The following KRT73 variants were observed in gnomAD, a reference collection of about 807,000 sequenced individuals.
The protein encoded by KRT73 is keratin, type II cytoskeletal 73.
In KRT73, 44 loss-of-function variants were observed where a neutral mutation model predicts 47.2. The observed-to-expected ratio is 0.93, with a 90% CI of 0.73 to 1.20. The LOEUF is 1.20. Among genes scored for constraint, KRT73 ranks in the 50% most tolerant of loss-of-function variants. The pLI, the probability that KRT73 is intolerant of heterozygous loss-of-function variation, is 0.00. For missense variants in KRT73, 713 were observed against 704.5 expected, an observed-to-expected ratio of 1.01 and a Z score of -0.14; for synonymous variants, 285 against 291.3, an observed-to-expected ratio of 0.98 and a Z score of 0.22.
chr12:52,627,362 A>C, the KRT73 span, among the ~76,000 whole-genome samples: 1 of 152,174 alleles, frequency 6.6e-6, no homozygotes, highest in African/African-American at 2.4e-5. Context: ...ATGGTTGTTG[A>C]ATGAATGCAT....
the KRT73 span, among the ~76,000 whole-genome samples, chr12:52,625,478 G>A: frequency 3.3e-5 from 5 of 152,220 alleles, no homozygotes; most frequent in South Asian, 1.0e-3. Context: ...AGACTTAGTG[G>A]CAACACTACA....
upstream of KRT73, among the ~76,000 whole-genome samples, chr12:52,619,677 G>A (rs181393364): frequency 2.2e-4 from 34 of 152,292 alleles, no homozygotes; most frequent in Non-Finnish European, 3.4e-4. Flanking sequence ...CTAGGCTCTT[G>A]GGTCCCGAAT....
chr12:52,626,381 A>G, the KRT73 span, among the ~76,000 whole-genome samples: 1 of 152,198 alleles, frequency 6.6e-6, no homozygotes, highest in East Asian at 1.9e-4. Flanking sequence ...TAAAATCCCT[A>G]CTTTCCCTGA....
intron 4 of KRT73, 171 bp downstream of exon 4, chr12:52,614,408 G>A (rs1259337251): frequency 3.6e-6 from 2 of 561,710 alleles, no homozygotes; most frequent in Non-Finnish European, 6.2e-6. Context: ...AGTCAGGGAT[G>A]GATGGGGCAC....
rs139077607 is a variant in KRT73 at position 52,618,292 on chromosome 12, G to A, written c.233C>T (p.Ala78Val). ...AGGYGFGRGR[A>V]SGFAGSMFGS... ...AAACATGCTGCCAGCAAAGCCACTG[G>A]CCCGGCCCCGGCCAAATCCATAGCC... Residue 78 changes from alanine to valine, a missense_variant, in exon 1 of 9, where the codon GCC (alanine) becomes GTC (valine). Ala to Val is a moderately conservative substitution (Grantham distance 64, BLOSUM62 0). Coordinates refer to ENST00000305748, the MANE Select transcript of KRT73 (RefSeq NM_175068.3). 1 of 1,614,190 alleles carries A rather than the reference G, an allele frequency of 6.2e-7. No homozygotes were observed. The highest frequency in any genetic ancestry group is 1.1e-5 in the South Asian group (1 of 91,074).
chr12:52,623,795 TACTC>T, the KRT73 span, among the ~76,000 whole-genome samples: 17 of 152,014 alleles, frequency 1.1e-4, no homozygotes, highest in Admixed American at 6.5e-5. Flanking sequence ...TATAATAAAA[TACTC>T]AGCAGCACTA....
rs1283094039 is a variant in KRT73 at position 52,609,265 on chromosome 12, T to C, written c.1348A>G (p.Thr450Ala). 1.2e-6 allele frequency: 2 copies of C among 1,613,704 alleles called. No individual in the cohort carries two copies. The highest frequency in any genetic ancestry group is 8.5e-7 in the Non-Finnish European group (1 of 1,179,644). The change falls in exon 8 of 9, where the codon ACC becomes GCC. Residue 450 changes from threonine to alanine, a missense_variant. Physicochemically the swap from Thr to Ala is moderately conservative, Grantham distance 58. Transcript: ENST00000305748. ...TACTCACAAATGCTCACGGAGTTGG[T>C]ATATTCTCCGGACATCCTGCAAGAG... ...GEECRMSGEY[T>A]NSVSISVINS... is the part of the protein sequence containing the mutation.
upstream of KRT73, among the ~76,000 whole-genome samples, chr12:52,621,635 T>C (rs1043322224): frequency 6.6e-6 from 1 of 152,180 alleles, no homozygotes; most frequent in Non-Finnish European, 1.5e-5. Context: ...GCTTGATCTC[T>C]GTAGCCACAT....
the KRT73 span, among the ~76,000 whole-genome samples, chr12:52,625,724 A>C: frequency 6.6e-6 from 1 of 152,238 alleles, no homozygotes; most frequent in Admixed American, 6.5e-5. Flanking sequence ...CAAAAAATGC[A>C]AACAATCCAG....
At chr12:52,619,884 T>G (rs906216328), upstream of KRT73, among the ~76,000 whole-genome samples, 1 of 152,216 alleles carries the variant, frequency 6.6e-6, no homozygotes, top group African/African-American at 2.4e-5. Context: ...GAATGAACAG[T>G]TGGCCCATCC....
At chr12:52,629,539 C>T in the KRT73 span, among the ~76,000 whole-genome samples, 2 of 152,216 alleles carry the variant, frequency 1.3e-5, no homozygotes, top group African/African-American at 4.8e-5. Flanking sequence ...GCCTACAGAG[C>T]AAGTTCAGGG....
chr12:52,612,126 G>A (rs370601819), intron 5 of KRT73, among the ~76,000 whole-genome samples: 1 of 152,342 alleles, frequency 6.6e-6, no homozygotes. Context: ...CTGTCCATCT[G>A]TATTTTCTGT....
At chr12:52,623,544 A>C (rs1464218918), upstream of KRT73, among the ~76,000 whole-genome samples, 5 of 152,308 alleles carry the variant, frequency 3.3e-5, no homozygotes, top group East Asian at 9.6e-4. Context: ...GGAGGAAAAA[A>C]CATGATAATT....
upstream of KRT73, among the ~76,000 whole-genome samples, chr12:52,620,266 G>A (rs766026290): frequency 3.3e-5 from 5 of 151,528 alleles, no homozygotes; most frequent in East Asian, 1.9e-4. Flanking sequence ...CACCACGCCC[G>A]GCTAATTTTG....
rs111374016 is a variant in KRT73, at chr12:52,610,742, C to T, written c.1204G>A (p.Ala402Thr). The T allele has an allele frequency of 7.8e-5, 126 of 1,613,908 alleles. No individual in the cohort carries two copies. The highest frequency in any genetic ancestry group is 4.7e-4 in the Admixed American group (28 of 60,004). The change falls in exon 7 of 9, where the codon GCC (alanine) becomes ACC (threonine). Residue 402 changes from alanine to threonine, a missense_variant. By Grantham distance (58) the Ala-to-Thr change is moderately conservative. Coordinates refer to ENST00000305748, the MANE Select transcript of KRT73 (RefSeq NM_175068.3). ...AGCTCCTCCTTGGCCTGCTGCAGGG[C>T]GCCCTCCAGCTCATCCAGCTTGGCC... ...ARAKLDELEG[A>T]LQQAKEELAR... is the part of the protein sequence containing the mutation.
chr12:52,611,476 A>G (rs1940702453), intron 5 of KRT73, 147 bp from the exon 6 acceptor site: 2 of 864,260 alleles, frequency 2.3e-6, no homozygotes, highest in Non-Finnish European at 3.5e-6. Flanking sequence ...GCCTCCCATT[A>G]AAGCATTGGG....
Position 52,608,120 on chromosome 12 carries a change from G to A in KRT73, c.*76C>T. On this transcript the variant is annotated 3_prime_UTR_variant, in exon 9 of 9. Coordinates refer to ENST00000305748, the MANE Select transcript of KRT73 (RefSeq NM_175068.3). The stretch of plus-strand genomic sequence containing the variant: ...GAAGGAGATGAGGACAAATGAGACA[G>A]AGGAATTTCCTAGAAGAGTCCGGAG... 3 of 1,471,150 alleles carry A rather than the reference G, an allele frequency of 2.0e-6. No homozygotes were observed. The highest frequency in any genetic ancestry group is 2.8e-6 in the Non-Finnish European group (3 of 1,087,436). 91.1% of individuals were successfully genotyped at this position (1,471,150 alleles called of 1,614,324 possible).
chr12:52,615,747 G>A (rs683884), intron 2 of KRT73, among the ~76,000 whole-genome samples: 9,492 of 152,234 alleles, frequency 0.062, 722 homozygotes, highest in Admixed American at 0.16. Flanking sequence ...TCCCAGGGGA[G>A]AAAGAAGGCA....
the KRT73 span, among the ~76,000 whole-genome samples, chr12:52,629,860 C>G: frequency 6.4e-4 from 98 of 152,256 alleles, no homozygotes; most frequent in African/African-American, 2.2e-3. Context: ...AATCTGTTCC[C>G]CTTGCTCACC....
Sources: gnomAD v4.1 joint callset for allele counts (sites outside exome capture counted in the v4.1 genomes callset) on GRCh38, gnomAD v4.1.1 for gene constraint, MANE v1.5 for transcripts, NCBI Gene and HGNC (gene_info 2026-07-23, HGNC 2026-07-21) for gene names.